Variants in PPP1R42 observed in about 807,000 individuals in gnomAD.
PPP1R42 encodes protein phosphatase 1 regulatory subunit 42, also known as leucine rich repeat containing 67.
In PPP1R42, 34 loss-of-function variants were observed where a neutral mutation model predicts 31.0. The observed-to-expected ratio is 1.10, with a 90% CI of 0.83 to 1.46. The LOEUF is 1.46. Ranked by LOEUF, PPP1R42 falls within the 40% of genes most tolerant of loss-of-function variation. PPP1R42 has a pLI of 0.00. For synonymous variants in PPP1R42, 103 were observed against 109.8 expected (o/e 0.94, Z 0.39); for missense variants, 268 against 303.0 (o/e 0.88, Z 0.86).
chr8:67,025,907 A>C (rs1019645494), intron 1 of PPP1R42, among the ~76,000 whole-genome samples: 1 of 151,504 alleles, frequency 6.6e-6, no homozygotes, highest in East Asian at 1.9e-4. Context: ...CAGGAGGCTG[A>C]GGCAGAGGAA....
At chr8:67,024,895 TAC>T (rs1367228415) in intron 1 of PPP1R42, among the ~76,000 whole-genome samples, 1 of 151,858 alleles carries the variant, frequency 6.6e-6, no homozygotes, top group African/African-American at 2.4e-5. Context: ...ATAACATATA[TAC>T]ACAAATTAAG....
chr8:67,019,559 T>G (rs1325431471), intron 1 of PPP1R42, among the ~76,000 whole-genome samples: 1 of 151,778 alleles, frequency 6.6e-6, no homozygotes, highest in Admixed American at 6.6e-5. Flanking sequence ...TTTTAAAGGA[T>G]TATTATTCAC....
At chr8:67,022,716 AT>A (rs1816260094) in intron 1 of PPP1R42, among the ~76,000 whole-genome samples, 1 of 151,946 alleles carries the variant, frequency 6.6e-6, no homozygotes, top group Non-Finnish European at 1.5e-5. Flanking sequence ...GATATTCAAT[AT>A]TTTTTTCCTT....
intron 6 of PPP1R42, chr8:66,984,370 T>A: frequency 7.7e-7 from 1 of 1,306,374 alleles, no homozygotes; most frequent in Non-Finnish European, 1.1e-6. Context: ...TGTCTGTTCA[T>A]CCCACTTTAT....
intron 1 of PPP1R42, among the ~76,000 whole-genome samples, chr8:67,024,438 G>A (rs1037311652): frequency 6.6e-6 from 1 of 151,284 alleles, no homozygotes; most frequent in African/African-American, 2.4e-5. Context: ...TCAGTCTCCC[G>A]AGTAGCTCAT....
At chr8:66,992,408 C>T (rs1815213236) in intron 5 of PPP1R42, among the ~76,000 whole-genome samples, 1 of 152,124 alleles carries the variant, frequency 6.6e-6, no homozygotes, top group Admixed American at 6.6e-5. Flanking sequence ...AAACATCTAA[C>T]TAATAGAAGC....
At chr8:66,970,728 A>G (rs181539984) in intron 7 of PPP1R42, 370 of 478,522 alleles carry the variant, frequency 7.7e-4, no homozygotes, top group African/African-American at 6.6e-3. Flanking sequence ...GGAGTCTCCT[A>G]CCTTACCTCA....
intron 7 of PPP1R42, among the ~76,000 whole-genome samples, chr8:66,970,305 ATT>A (rs200683229): frequency 4.2e-5 from 6 of 144,510 alleles, no homozygotes; most frequent in Non-Finnish European, 7.6e-5. Context: ...TAATTTTTGT[ATT>A]TTTTTTTTTG....
intron 1 of PPP1R42, 60 bp downstream of exon 1, chr8:67,028,431 T>G: frequency 1.4e-5 from 13 of 957,834 alleles, no homozygotes; most frequent in Non-Finnish European, 1.6e-5. Flanking sequence ...CAGGCAAGTT[T>G]GAGAAACATG....
At chr8:66,970,981 C>A (rs1213720727) in intron 7 of PPP1R42, 2 of 1,518,988 alleles carry the variant, frequency 1.3e-6, no homozygotes, top group Non-Finnish European at 1.8e-6. Flanking sequence ...AAGAACCTAC[C>A]CCATCTCTTA....
In PPP1R42 at chr8:67,013,047, C is replaced by G. The variant is rs1246263262; in HGVS notation, c.346G>C (p.Gly116Arg). ...IAVIEGLEGLGELRELHVENQ... is the reference protein window; with the variant it reads ...IAVIEGLEGLRELRELHVENQ... ...TCAACATGAAGCTCTCTTAGTTCTCCTAATCCTTCTAAACCTTCTATGACA... is the reference window on the plus strand; with the variant it reads ...TCAACATGAAGCTCTCTTAGTTCTCGTAATCCTTCTAAACCTTCTATGACA... The change falls in exon 4 of 8, where the codon GGA becomes CGA. Residue 116 changes from glycine to arginine, a missense_variant. Physicochemically the swap from Gly to Arg is moderately radical, Grantham distance 125. Coordinates refer to ENST00000685739, the MANE Select transcript of PPP1R42 (RefSeq NM_001364910.1). 16 of 1,611,746 alleles carry G rather than the reference C, an allele frequency of 9.9e-6. No homozygotes were observed. The highest frequency in any genetic ancestry group is 1.4e-5 in the Non-Finnish European group (16 of 1,179,060).
At chr8:66,988,319 T>C in intron 6 of PPP1R42, 81 bp downstream of exon 6, 1 of 1,288,184 alleles carries the variant, frequency 7.8e-7, no homozygotes, top group Non-Finnish European at 9.8e-7. Flanking sequence ...AGATTTATAT[T>C]TCTGAAAGCT....
intron 5 of PPP1R42, among the ~76,000 whole-genome samples, chr8:66,998,616 C>T (rs962571396): frequency 4.6e-5 from 7 of 152,162 alleles, no homozygotes; most frequent in Admixed American, 4.6e-4. Flanking sequence ...AGCAAACATC[C>T]TTCCTTTATT....
At chr8:67,007,103 C>A (rs1160961872) in intron 5 of PPP1R42, among the ~76,000 whole-genome samples, 1 of 151,640 alleles carries the variant, frequency 6.6e-6, no homozygotes, top group Non-Finnish European at 1.5e-5. Flanking sequence ...GTCTCAAACC[C>A]CTGACCTCAA....
intron 5 of PPP1R42, among the ~76,000 whole-genome samples, chr8:67,008,949 G>A (rs1051861982): frequency 1.4e-4 from 21 of 152,114 alleles, no homozygotes; most frequent in African/African-American, 4.1e-4. Context: ...GAGTTAAAAA[G>A]CATAATAGAA....
intron 5 of PPP1R42, among the ~76,000 whole-genome samples, chr8:67,009,006 C>T (rs11987178): frequency 0.033 from 5,063 of 152,282 alleles, 269 homozygotes; most frequent in African/African-American, 0.11. Flanking sequence ...TGCAGTGGCT[C>T]ATGCCTAGAA....
At chr8:67,021,701 A>G (rs1187317278) in intron 1 of PPP1R42, among the ~76,000 whole-genome samples, 2 of 152,162 alleles carry the variant, frequency 1.3e-5, no homozygotes, top group Admixed American at 1.3e-4. Flanking sequence ...TTTAGGATTT[A>G]TCTAAAATTT....
chr8:66,991,715 T>G (rs1815193542), intron 5 of PPP1R42, among the ~76,000 whole-genome samples: 1 of 152,202 alleles, frequency 6.6e-6, no homozygotes. Flanking sequence ...CTTCCTGGGA[T>G]CTTCTCTCCC....
intron 1 of PPP1R42, among the ~76,000 whole-genome samples, chr8:67,024,200 T>C (rs761159386): frequency 6.6e-6 from 1 of 152,198 alleles, no homozygotes; most frequent in African/African-American, 2.4e-5. Context: ...GCTTTTATAT[T>C]CATAGTTTGT....
Sources: gnomAD v4.1 joint callset for allele counts (sites outside exome capture counted in the v4.1 genomes callset) on GRCh38, gnomAD v4.1.1 for gene constraint, MANE v1.5 for transcripts, NCBI Gene and HGNC (gene_info 2026-07-23, HGNC 2026-07-21) for gene names.